ZNF469: variants seen among roughly 807,000 people sequenced by gnomAD.
ZNF469 encodes the protein zinc finger protein 469.
A neutral mutation model predicts 1.0 loss-of-function variants in ZNF469; 1 was observed. That is an observed-to-expected ratio of 1.00 (90% CI 0.35 to 4.73). The LOEUF (loss-of-function observed/expected upper bound fraction) is 4.73. Among genes scored for constraint, ZNF469 ranks in the 30% most tolerant of loss-of-function variants. The pLI, the probability that ZNF469 is intolerant of heterozygous loss-of-function variation, is 0.16. For missense variants in ZNF469, 6,100 were observed against 5,356.3 expected, an observed-to-expected ratio of 1.14 and a Z score of -4.33; for synonymous variants, 2,703 against 2,363.4, an observed-to-expected ratio of 1.14 and a Z score of -4.17.
chr16:88,341,050 A>C, the ZNF469 span, among the ~76,000 whole-genome samples: 80 of 152,124 alleles, frequency 5.3e-4, no homozygotes, highest in African/African-American at 1.8e-3. Flanking sequence ...CCACCTGAGC[A>C]CCTCGTCTTC....
At chr16:88,245,241 G>A in the ZNF469 span, among the ~76,000 whole-genome samples, 1 of 152,234 alleles carries the variant, frequency 6.6e-6, no homozygotes, top group African/African-American at 2.4e-5. Context: ...TGCAGCATGA[G>A]GAACTTAGGA....
chr16:88,398,669 A>AAGGG lies in ZNF469; in HGVS notation c.-192+15415_-192+15416insAGGG, dbSNP rs1904768380. Among the ~76,000 whole-genome samples, 4 of 151,156 alleles carry AAGGG rather than the reference A, an allele frequency of 2.6e-5. No homozygotes were observed. The South Asian group carries it at 8.4e-4, about 32-fold the overall frequency. On this transcript the variant is annotated intron_variant, in intron 1 of 2. Coordinates refer to ENST00000565624, the MANE Select transcript of ZNF469 (RefSeq NM_001367624.2). ...GAAGGGGGGGTGTGAGCCACAGATGAGGGGACACGTGAGCCACAGGTGGAA... is the reference window on the plus strand; with the variant it reads ...GAAGGGGGGGTGTGAGCCACAGATGAAGGGGGGGACACGTGAGCCACAGGTGGAA...
the ZNF469 span, among the ~76,000 whole-genome samples, chr16:88,105,269 A>G: frequency 3.3e-5 from 5 of 151,312 alleles, no homozygotes; most frequent in Admixed American, 2.0e-4. Context: ...AAAGGCCTCT[A>G]TAACACATAC....
At chr16:88,298,846 T>C in the ZNF469 span, among the ~76,000 whole-genome samples, 7 of 152,156 alleles carry the variant, frequency 4.6e-5, no homozygotes. Flanking sequence ...CACATCCCTG[T>C]AGGGTCCACC....
chr16:88,427,175 G>C (rs1246748993), intron 2 of ZNF469, among the ~76,000 whole-genome samples, 170 bp from the exon 3 acceptor site: 2 of 152,136 alleles, frequency 1.3e-5, no homozygotes, highest in African/African-American at 4.8e-5. Context: ...CTGCTTCTAG[G>C]TAGGGGCTGA....
the ZNF469 span, among the ~76,000 whole-genome samples, chr16:88,110,613 G>C: frequency 6.6e-6 from 1 of 152,278 alleles, no homozygotes; most frequent in Admixed American, 6.5e-5. Flanking sequence ...GTATCGGAGA[G>C]ATGTCCTCCC....
chr16:88,116,294 G>A, the ZNF469 span, among the ~76,000 whole-genome samples: 73 of 152,266 alleles, frequency 4.8e-4, no homozygotes, highest in Non-Finnish European at 8.8e-4. Context: ...CCATGAGGAC[G>A]GCCAGCACAG....
the ZNF469 span, among the ~76,000 whole-genome samples, chr16:88,279,996 C>T: frequency 4.6e-5 from 7 of 150,872 alleles, no homozygotes; most frequent in East Asian, 2.0e-4. Flanking sequence ...TATCAGTGCA[C>T]GGTTAGTGCT....
chr16:88,320,607 C>G, the ZNF469 span, among the ~76,000 whole-genome samples: 1 of 152,278 alleles, frequency 6.6e-6, no homozygotes, highest in African/African-American at 2.4e-5. Context: ...TGGACTTGAA[C>G]TCCTGACCTC....
chr16:88,373,706 A>C, the ZNF469 span, among the ~76,000 whole-genome samples: 6 of 152,262 alleles, frequency 3.9e-5, no homozygotes, highest in East Asian at 9.7e-4. Flanking sequence ...TTTGGAAGAG[A>C]GAAGAAACGG....
At chr16:88,405,541 G>C (rs746506399) in intron 1 of ZNF469, among the ~76,000 whole-genome samples, 2 of 152,196 alleles carry the variant, frequency 1.3e-5, no homozygotes, top group Non-Finnish European at 2.9e-5. Context: ...CAGGGCCTTG[G>C]GGGCTGGAGA....
chr16:88,243,927 T>C, the ZNF469 span, among the ~76,000 whole-genome samples: 12 of 92,644 alleles, frequency 1.3e-4, 1 homozygote, highest in South Asian at 3.8e-4. Flanking sequence ...TATATATATA[T>C]ATATATATAT....
the ZNF469 span, among the ~76,000 whole-genome samples, chr16:88,241,646 C>A: frequency 6.6e-6 from 1 of 152,112 alleles, no homozygotes; most frequent in South Asian, 2.1e-4. The surrounding 1 kb of genome is among the most constrained non-coding windows in gnomAD (Gnocchi z 4.8). Context: ...CCGGTCCCCA[C>A]CCATCCCGAT....
Position 88,437,602 on chromosome 16 carries a change from G to A in ZNF469, c.10132G>A (p.Gly3378Arg), listed in dbSNP as rs192272765. The A allele has an allele frequency of 7.2e-6, 11 of 1,537,322 alleles. No homozygotes were observed. The highest frequency in any genetic ancestry group is 1.7e-4 in the Middle Eastern group (1 of 5,952). ...PRCPRVYPEH[G>R]ELLAHLGGAH... The stretch of plus-strand genomic sequence containing the variant: ...GTGCCCCCGGGTCTACCCCGAGCAC[G>A]GGGAGCTGCTGGCACACCTGGGCGG... Residue 3378 changes from glycine to arginine, a missense_variant, in exon 3 of 3, where the codon GGG (glycine) becomes AGG (arginine). Physicochemically the swap from Gly to Arg is moderately radical, Grantham distance 125. Coordinates refer to ENST00000565624, the MANE Select transcript of ZNF469 (RefSeq NM_001367624.2).
the ZNF469 span, among the ~76,000 whole-genome samples, chr16:88,111,580 A>C: frequency 6.6e-6 from 1 of 152,006 alleles, no homozygotes; most frequent in Non-Finnish European, 1.5e-5. Flanking sequence ...TATATCCATG[A>C]GTTCAATCGT....
At chr16:88,392,417 T>C (rs1904517803) in intron 1 of ZNF469, among the ~76,000 whole-genome samples, 1 of 152,250 alleles carries the variant, frequency 6.6e-6, no homozygotes, top group African/African-American at 2.4e-5. Context: ...CAGCCTTCTC[T>C]GTTTTCTCCG....
chr16:88,439,425 G>A lies in ZNF469; in HGVS notation c.*93G>A. ...CCGGCTCCCTGAGATGGTCCACTCTGTGGCCACTTGACTTCTTGTGCAACT... is the reference window on the plus strand; with the variant it reads ...CCGGCTCCCTGAGATGGTCCACTCTATGGCCACTTGACTTCTTGTGCAACT... On this transcript the variant is annotated 3_prime_UTR_variant, in exon 3 of 3. Coordinates refer to ENST00000565624, the MANE Select transcript of ZNF469 (RefSeq NM_001367624.2). The A allele has an allele frequency of 2.2e-6, 3 of 1,388,286 alleles. No individual in the cohort carries two copies. Among genetic ancestry groups the A allele is most frequent in the South Asian group, 2.5e-5 (2 of 79,720 alleles). 86.0% of individuals were successfully genotyped at this position (1,388,286 alleles called of 1,614,324 possible). A position where few individuals can be genotyped will look rare whatever the true frequency, so the allele number is the denominator to read the frequency against.
chr16:88,357,145 G>A, the ZNF469 span, among the ~76,000 whole-genome samples: 14 of 152,232 alleles, frequency 9.2e-5, no homozygotes, highest in African/African-American at 3.4e-4. Context: ...GGTCTCCCTG[G>A]CAGCAGGGGC....
At chr16:88,115,294 A>G in the ZNF469 span, among the ~76,000 whole-genome samples, 3 of 152,056 alleles carry the variant, frequency 2.0e-5, no homozygotes, top group South Asian at 2.1e-4. Flanking sequence ...TCTGCAATAG[A>G]TATATATTAT....
Sources: gnomAD v4.1 joint callset for allele counts (sites outside exome capture counted in the v4.1 genomes callset) on GRCh38, gnomAD v4.1.1 for gene constraint, Gnocchi (gnomAD v3.1) non-coding constraint, MANE v1.5 for transcripts, NCBI Gene and HGNC (gene_info 2026-07-23, HGNC 2026-07-21) for gene names.